Variants in UGT3A1 observed in about 807,000 individuals in gnomAD.
UGT3A1 encodes the protein UDP glycosyltransferase family 3 member A1.
UGT3A1 carries 40 observed loss-of-function variants against 37.6 expected under a neutral mutation model. That is an observed-to-expected ratio of 1.06 (90% confidence interval 0.83 to 1.38). The LOEUF (loss-of-function observed/expected upper bound fraction) is 1.38, where lower values mean the gene tolerates loss of function less well. Among genes scored for constraint, UGT3A1 ranks in the 40% most tolerant of loss-of-function variants. The pLI, the probability that UGT3A1 is intolerant of heterozygous loss-of-function variation, is 0.00. For missense variants in UGT3A1, 642 were observed against 634.2 expected, an observed-to-expected ratio of 1.01 and a Z score of -0.13; for synonymous variants, 256 against 232.3, an observed-to-expected ratio of 1.10 and a Z score of -0.93.
chr5:35,957,529 C>T, intron 4 of UGT3A1, 110 bp from the exon 5 acceptor site: 1 of 833,364 alleles, frequency 1.2e-6, no homozygotes, highest in South Asian at 1.7e-5. Flanking sequence ...AGTGCCTTGT[C>T]TTCACTCTCC....
At position 35,991,302 on chromosome 5, in the gene UGT3A1, ACT is replaced by A; in HGVS notation, c.-64_-63del. ...CTGCGCGCCCTGCGCCGGGCTAAGG[ACT>A]CTGTGCGCGCCTCAGTACTCCAAAG... is the stretch of plus-strand genomic sequence containing the variant. On this transcript the variant is annotated 5_prime_UTR_variant, in exon 1 of 7. Coordinates refer to ENST00000274278, the MANE Select transcript of UGT3A1 (RefSeq NM_152404.4). 3 of 1,607,164 alleles carry A rather than the reference ACT, an allele frequency of 1.9e-6. No homozygotes were observed. Among genetic ancestry groups the A allele is most frequent in the Non-Finnish European group, 2.6e-6 (3 of 1,176,346 alleles).
At chr5:35,974,039 A>G (rs574155167) in intron 2 of UGT3A1, among the ~76,000 whole-genome samples, 1 of 152,186 alleles carries the variant, frequency 6.6e-6, no homozygotes, top group Non-Finnish European at 1.5e-5. Flanking sequence ...AAAAACACAG[A>G]CCTCAGACAG....
intron 2 of UGT3A1, among the ~76,000 whole-genome samples, chr5:35,986,555 G>A (rs1740735568): frequency 1.3e-5 from 2 of 152,252 alleles, no homozygotes; most frequent in Admixed American, 6.5e-5. Flanking sequence ...ATTATATTAA[G>A]TGAAATAAGC....
In UGT3A1 at chr5:35,990,593, C is replaced by A. The variant is rs190161780; in HGVS notation, c.94+554G>T. 2.6e-5 allele frequency among the ~76,000 whole-genome samples: 4 copies of A among 152,260 alleles called. No homozygotes were observed. The East Asian group carries it at 7.7e-4, about 29-fold the overall frequency. ...GTTCTCTCCTCAGACCTGGGCAGTTCTCCAGGTTTCCCCTGGAGAAAAACA... is the reference window on the plus strand; with the variant it reads ...GTTCTCTCCTCAGACCTGGGCAGTTATCCAGGTTTCCCCTGGAGAAAAACA... On this transcript the variant is annotated intron_variant, in intron 1 of 6. Transcript: ENST00000274278.
upstream of UGT3A1, chr5:35,991,477 A>G: frequency 7.4e-7 from 1 of 1,345,780 alleles, no homozygotes; most frequent in Non-Finnish European, 9.5e-7. Flanking sequence ...ACCTGAAGTC[A>G]GTAGGAGGGG....
chr5:35,968,544 A>T (rs1412100543), intron 2 of UGT3A1, among the ~76,000 whole-genome samples: 1 of 152,182 alleles, frequency 6.6e-6, no homozygotes, highest in Non-Finnish European at 1.5e-5. Flanking sequence ...TTTTAGAAAA[A>T]ATCATTTTCA....
chr5:35,993,684 T>C (rs1417022837), upstream of UGT3A1, among the ~76,000 whole-genome samples: 4 of 152,310 alleles, frequency 2.6e-5, no homozygotes, highest in African/African-American at 9.6e-5. Context: ...GAGGCTTGTC[T>C]CATCATTTTT....
intron 2 of UGT3A1, among the ~76,000 whole-genome samples, chr5:35,972,982 C>T (rs943064527): frequency 6.6e-6 from 1 of 151,908 alleles, no homozygotes; most frequent in Admixed American, 6.6e-5. Flanking sequence ...CAATTTAATT[C>T]TCCACCTTGC....
chr5:35,985,087 A>AAG (rs1740678735), intron 2 of UGT3A1, among the ~76,000 whole-genome samples: 2 of 149,476 alleles, frequency 1.3e-5, no homozygotes, highest in South Asian at 2.1e-4. Flanking sequence ...TATAAAAAAA[A>AAG]AAAAAAAAGA....
intron 1 of UGT3A1, among the ~76,000 whole-genome samples, chr5:35,997,660 C>T (rs1464609749): frequency 2.6e-5 from 4 of 152,090 alleles, no homozygotes; most frequent in African/African-American, 4.8e-5. Flanking sequence ...CTCCTGACCT[C>T]GTGATCCACC....
chr5:35,980,081 A>G (rs1197754102), intron 2 of UGT3A1, among the ~76,000 whole-genome samples: 1 of 152,214 alleles, frequency 6.6e-6, no homozygotes, highest in East Asian at 1.9e-4. Flanking sequence ...AGTCAAAAAC[A>G]TATCAGACTG....
Position 35,965,635 on chromosome 5 carries a change from C to T in UGT3A1, c.594G>A (p.Trp198Ter). The T allele has an allele frequency of 6.2e-7, 1 of 1,614,124 alleles. No individual in the cohort carries two copies. Among genetic ancestry groups the T allele is most frequent in the Non-Finnish European group, 8.5e-7 (1 of 1,180,036 alleles). ...PSLLTDHMDF[W>*]GRVKNFLMFF... is the part of the protein sequence containing the mutation. Reference sequence around the variant, plus strand: ...ACATCAGAAAATTCTTCACTCGGCCCCAGAAGTCCATGTGATCAGTCAGCA... The same window carrying T: ...ACATCAGAAAATTCTTCACTCGGCCTCAGAAGTCCATGTGATCAGTCAGCA... The change falls in exon 4 of 7, where the codon TGG (tryptophan) becomes TGA (stop). Residue 198 changes from tryptophan to a stop codon, truncating the protein, a stop_gained. Transcript: ENST00000274278. LOFTEE classifies it high-confidence loss of function.
chr5:35,986,210 G>A (rs1740722876), intron 2 of UGT3A1, among the ~76,000 whole-genome samples: 1 of 151,996 alleles, frequency 6.6e-6, no homozygotes. Context: ...GTCAAGAAAG[G>A]GGAACCCTCA....
chr5:35,977,878 C>T (rs6873506), intron 2 of UGT3A1, among the ~76,000 whole-genome samples: 28,045 of 152,026 alleles, frequency 0.18, 2,928 homozygotes, highest in East Asian at 0.38. Flanking sequence ...GACTAACTAG[C>T]AATGGGAGCT....
At chr5:35,976,833 C>CAAAA (rs35523827) in intron 2 of UGT3A1, among the ~76,000 whole-genome samples, 1 of 147,038 alleles carries the variant, frequency 6.8e-6, no homozygotes, top group Non-Finnish European at 1.5e-5. Flanking sequence ...GTGCTTGCCT[C>CAAAA]AAAAATAATA....
intron 4 of UGT3A1, among the ~76,000 whole-genome samples, chr5:35,958,907 C>T (rs1226910912): frequency 6.6e-6 from 1 of 152,148 alleles, no homozygotes; most frequent in East Asian, 1.9e-4. Context: ...GGTGACATAG[C>T]TCAGATTTCA....
At chr5:35,998,927 C>T (rs568921551) in intron 1 of UGT3A1, among the ~76,000 whole-genome samples, 1 of 152,150 alleles carries the variant, frequency 6.6e-6, no homozygotes, top group East Asian at 1.9e-4. Flanking sequence ...TTAACCTCCT[C>T]AAAGCAACCC....
rs751681321 is a variant in UGT3A1 at position 35,988,449 on chromosome 5, C to G, written c.196+1G>C. On this transcript the variant is annotated splice_donor_variant, in intron 2 of 6. Coordinates refer to ENST00000274278, the MANE Select transcript of UGT3A1 (RefSeq NM_152404.4). LOFTEE classifies it high-confidence loss of function. The stretch of plus-strand genomic sequence containing the variant: ...TAAAAATTAGTTTTTAAAAAAGATA[C>G]CTGGGATCAAAAACTTTCCACTCTG... The G allele has an allele frequency of 3.8e-6, 6 of 1,585,474 alleles. No individual in the cohort carries two copies. In the African/African-American group the frequency reaches 6.9e-5, roughly 18 times the overall value.
intron 2 of UGT3A1, among the ~76,000 whole-genome samples, chr5:35,975,178 T>A (rs1740212988): frequency 6.6e-6 from 1 of 152,188 alleles, no homozygotes. Flanking sequence ...AATGGTTTCA[T>A]AAACACAGTG....
Sources: allele counts gnomAD v4.1 joint callset (sites outside exome capture counted in the v4.1 genomes callset), GRCh38; gene constraint gnomAD v4.1.1; transcripts MANE v1.5; gene names NCBI Gene and HGNC (gene_info 2026-07-23, HGNC 2026-07-21).